The following DOCK5 variants were observed in gnomAD, a reference collection of about 807,000 sequenced individuals.
The protein encoded by DOCK5 is dedicator of cytokinesis 5, also known as dedicator of cytokinesis protein 5.
Under a neutral mutation model 251.8 loss-of-function variants are expected in DOCK5, and 142 were observed. The ratio of observed to expected loss-of-function variants is 0.56; its 90% CI spans 0.49 to 0.65. DOCK5 has a LOEUF of 0.65. Ranked by LOEUF, DOCK5 falls within the 30% of genes least tolerant of loss-of-function variation. The probability of loss-of-function intolerance (pLI) is 0.00; values close to 1 mark genes in which losing one functional copy is unlikely to be tolerated. For missense variants in DOCK5, 2,111 were observed against 2,312.3 expected, an observed-to-expected ratio of 0.91 and a Z score of 1.79; for synonymous variants, 842 against 835.5, an observed-to-expected ratio of 1.01 and a Z score of -0.13.
chr8:25,307,439 G>A (rs183732251), intron 11 of DOCK5, among the ~76,000 whole-genome samples: 4 of 152,150 alleles, frequency 2.6e-5, no homozygotes, highest in Non-Finnish European at 2.9e-5. Context: ...TAATCTTATG[G>A]GACCATGGTC....
chr8:25,193,378 C>T (rs1586216708), intron 1 of DOCK5, among the ~76,000 whole-genome samples: 1 of 147,874 alleles, frequency 6.8e-6, no homozygotes, highest in African/African-American at 2.6e-5. Context: ...AGGCACATTA[C>T]AGCTTTTTTT....
At chr8:25,385,339 A>G (rs904038705) in intron 40 of DOCK5, among the ~76,000 whole-genome samples, 4 of 152,258 alleles carry the variant, frequency 2.6e-5, no homozygotes, top group African/African-American at 9.6e-5. Flanking sequence ...CAGAAAAGAG[A>G]TGACAGGCTA....
intron 25 of DOCK5, among the ~76,000 whole-genome samples, chr8:25,343,515 T>C (rs991107303): frequency 6.6e-6 from 1 of 152,190 alleles, no homozygotes; most frequent in African/African-American, 2.4e-5. Flanking sequence ...CTGCAAGTGG[T>C]TCATTAATTA....
At chr8:25,291,998 T>A (rs868556056) in intron 5 of DOCK5, 26 bp from the exon 6 acceptor site, 25 of 1,525,752 alleles carry the variant, frequency 1.6e-5, no homozygotes, top group Middle Eastern at 1.7e-4. Context: ...TAAGAATCTT[T>A]TCTTCATCAT....
chr8:25,332,312 G>A lies in DOCK5; in HGVS notation c.1965G>A (p.Lys655=). Residue 655 remains lysine (K), a synonymous_variant, in exon 19 of 52, where the codon AAG becomes AAA. Transcript: ENST00000276440. The part of the protein sequence containing the change: ...SNSQNIKHNL[K]KLMEVDGGEI... ...CCCAGAACATTAAACACAACCTAAAGAAGTTAATGGAAGTGGATGGAGGAG... is the reference window on the plus strand; with the variant it reads ...CCCAGAACATTAAACACAACCTAAAAAAGTTAATGGAAGTGGATGGAGGAG... The A allele has an allele frequency of 6.2e-7, 1 of 1,613,560 alleles. No homozygotes were observed. The highest frequency in any genetic ancestry group is 1.1e-5 in the South Asian group (1 of 91,074).
chr8:25,241,856 A>G (rs961412455), intron 1 of DOCK5, among the ~76,000 whole-genome samples: 2 of 152,192 alleles, frequency 1.3e-5, no homozygotes, highest in African/African-American at 4.8e-5. Flanking sequence ...CTTTGCAGGG[A>G]CATGGGTGAA....
At chr8:25,390,670 G>A (rs555082109) in intron 42 of DOCK5, among the ~76,000 whole-genome samples, 5 of 152,254 alleles carry the variant, frequency 3.3e-5, no homozygotes, top group Non-Finnish European at 5.9e-5. Flanking sequence ...TCACCCAAAA[G>A]CATCGCAGAG....
chr8:25,222,025 GC>G (rs1802404128), intron 1 of DOCK5, among the ~76,000 whole-genome samples: 1 of 152,168 alleles, frequency 6.6e-6, no homozygotes, highest in Non-Finnish European at 1.5e-5. Context: ...CCTGCTGTCA[GC>G]CCTGCGAGTT....
intron 2 of DOCK5, among the ~76,000 whole-genome samples, chr8:25,264,353 G>A (rs1456702772): frequency 6.6e-6 from 1 of 151,614 alleles, no homozygotes; most frequent in Non-Finnish European, 1.5e-5. Context: ...CTGGGTGACA[G>A]AGTGAGATCC....
intron 25 of DOCK5, among the ~76,000 whole-genome samples, chr8:25,344,785 C>T (rs1800327158): frequency 6.6e-6 from 1 of 152,066 alleles, no homozygotes; most frequent in Non-Finnish European, 1.5e-5. Flanking sequence ...TTTAAGGATA[C>T]AGAAAAGGTA....
rs149207529 is a variant in DOCK5, at chr8:25,186,652, T to A, written c.43+1701T>A. On this transcript the variant is annotated intron_variant, in intron 1 of 51. Transcript: ENST00000276440. Reference sequence around the variant, plus strand: ...CCTCGGCCTCCCAAAGTGTTGGGATTACAGTCATGAGCCACCTCACCTGGC... The same window carrying A: ...CCTCGGCCTCCCAAAGTGTTGGGATAACAGTCATGAGCCACCTCACCTGGC... 2.5e-3 allele frequency among the ~76,000 whole-genome samples: 376 copies of A among 152,074 alleles called. 1 individual carries two copies. The highest frequency in any genetic ancestry group is 4.3e-3 in the Non-Finnish European group (291 of 67,998).
In DOCK5 at chr8:25,392,506, C is replaced by T. The variant is rs183221208; in HGVS notation, c.4441-290C>T. Among the ~76,000 whole-genome samples, 44 of 152,242 alleles carry T rather than the reference C, an allele frequency of 2.9e-4. No homozygotes were observed. The East Asian group carries it at 2.9e-3, about 10-fold the overall frequency. ...AGACTAGGAGTCCAGAATCTGGTCT[C>T]TTCCTGGGCCTGCTGCTTGTAATGA... On this transcript the variant is annotated intron_variant, in intron 43 of 51. Coordinates refer to ENST00000276440, the MANE Select transcript of DOCK5 (RefSeq NM_024940.8).
At chr8:25,288,840 C>T (rs1002296392) in intron 5 of DOCK5, among the ~76,000 whole-genome samples, 2 of 152,142 alleles carry the variant, frequency 1.3e-5, no homozygotes, top group Non-Finnish European at 2.9e-5. Context: ...AAAATAGTAT[C>T]TTAAAAGCCC....
intron 26 of DOCK5, among the ~76,000 whole-genome samples, chr8:25,350,525 C>T (rs1431893655): frequency 6.6e-6 from 1 of 152,236 alleles, no homozygotes; most frequent in African/African-American, 2.4e-5. Flanking sequence ...CTCAAAGTCA[C>T]ACATGACACA....
chr8:25,338,519 GT>G (rs1805870617), intron 22 of DOCK5, among the ~76,000 whole-genome samples: 1 of 151,888 alleles, frequency 6.6e-6, no homozygotes, highest in Non-Finnish European at 1.5e-5. Context: ...TTTAAAAAAT[GT>G]TTAATGACTT....
intron 44 of DOCK5, among the ~76,000 whole-genome samples, chr8:25,393,122 G>A (rs1801289340): frequency 6.6e-6 from 1 of 152,136 alleles, no homozygotes; most frequent in African/African-American, 2.4e-5. Flanking sequence ...CCAGAGGAGT[G>A]GTGTCTGCTC....
rs2048081 is a variant in DOCK5, at chr8:25,369,820, C to T, written c.3524+179C>T. ...TGTCCACAGCTGACATTGTTTATCT[C>T]GTGGGAGTCAAATGCTGGTATTTTC... On this transcript the variant is annotated intron_variant, in intron 34 of 51. Coordinates refer to ENST00000276440, the MANE Select transcript of DOCK5 (RefSeq NM_024940.8). 3.7e-4 allele frequency among the ~76,000 whole-genome samples: 56 copies of T among 151,908 alleles called. 1 individual carries two copies. Among genetic ancestry groups the T allele is most frequent in the South Asian group, 3.3e-3 (16 of 4,810 alleles).
intron 10 of DOCK5, among the ~76,000 whole-genome samples, chr8:25,302,966 A>G (rs1242215943): frequency 6.6e-6 from 1 of 152,188 alleles, no homozygotes; most frequent in East Asian, 1.9e-4. Flanking sequence ...GGAAGATGAG[A>G]AAGTTCTAGA....
intron 1 of DOCK5, among the ~76,000 whole-genome samples, chr8:25,196,212 A>G (rs573229055): frequency 6.6e-6 from 1 of 152,150 alleles, no homozygotes; most frequent in Non-Finnish European, 1.5e-5. Flanking sequence ...TGGAGGCTTT[A>G]TGGAGGAAGG....
Sources: gnomAD v4.1 joint callset for allele counts (sites outside exome capture counted in the v4.1 genomes callset) on GRCh38, gnomAD v4.1.1 for gene constraint, MANE v1.5 for transcripts, NCBI Gene and HGNC (gene_info 2026-07-23, HGNC 2026-07-21) for gene names.